MIB1: variants seen among roughly 807,000 people sequenced by gnomAD.
MIB1 encodes E3 ubiquitin-protein ligase MIB1.
In MIB1, 278 loss-of-function variants were observed where a neutral mutation model predicts 124.5. That is an observed-to-expected ratio of 2.23 (90% CI 2.02 to 2.47). The LOEUF is 2.47. MIB1 is among the 30% of genes most tolerant of loss of function. The pLI is 0.00. For synonymous variants in MIB1, 446 were observed against 429.4 expected, an observed-to-expected ratio of 1.04 and a Z score of -0.48; for missense variants, 957 against 1,254.4, an observed-to-expected ratio of 0.76 and a Z score of 3.58.
intron 1 of MIB1, among the ~76,000 whole-genome samples, chr18:21,745,759 T>C (rs2040904937): frequency 6.6e-6 from 1 of 152,034 alleles, no homozygotes; most frequent in Non-Finnish European, 1.5e-5. Context: ...CAGGCTGGAA[T>C]GCAGTGGTGT....
intron 6 of MIB1, among the ~76,000 whole-genome samples, chr18:21,780,773 A>T (rs529771640): frequency 8.5e-5 from 13 of 152,150 alleles, no homozygotes; most frequent in African/African-American, 2.9e-4. Flanking sequence ...CTTTCAATCT[A>T]TTTATGAACA....
chr18:21,822,476 C>T (rs1376932149), intron 12 of MIB1, among the ~76,000 whole-genome samples: 1 of 152,066 alleles, frequency 6.6e-6, no homozygotes, highest in African/African-American at 2.4e-5. Flanking sequence ...AAAAAAAATG[C>T]TTTTATTCTT....
intron 2 of MIB1, among the ~76,000 whole-genome samples, chr18:21,766,232 C>A (rs930826927): frequency 6.6e-6 from 1 of 152,116 alleles, no homozygotes; most frequent in African/African-American, 2.4e-5. Flanking sequence ...CAAAAAGATA[C>A]CAATTGTTTT....
rs1454397232 is a variant in MIB1 at position 21,844,150 on chromosome 18, T to C, written c.2108T>C (p.Leu703Ser). ...DIQDKDGDTP[L>S]HEALRHHTLS... ...CAGGATAAGGATGGGGATACTCCTT[T>C]GCATGAAGCTCTAAGGCATCACACT... is the stretch of plus-strand genomic sequence containing the variant. Residue 703 changes from leucine (L) to serine (S), a missense_variant, in exon 15 of 21, where the codon TTG becomes TCG. Physicochemically the swap from Leu to Ser is moderately radical, Grantham distance 145. Transcript: ENST00000261537. The C allele has an allele frequency of 6.2e-6, 10 of 1,614,124 alleles. No individual in the cohort carries two copies. The East Asian group carries it at 2.2e-4, about 36-fold the overall frequency.
At chr18:21,807,238 C>T (rs2041719446) in intron 10 of MIB1, among the ~76,000 whole-genome samples, 1 of 152,120 alleles carries the variant, frequency 6.6e-6, no homozygotes, top group Admixed American at 6.5e-5. Flanking sequence ...CAAGACCAGC[C>T]TGGGCAACGT....
At chr18:21,850,950 G>A (rs1340934495) in intron 17 of MIB1, among the ~76,000 whole-genome samples, 1 of 152,012 alleles carries the variant, frequency 6.6e-6, no homozygotes, top group African/African-American at 2.4e-5. Context: ...AACCTTTATT[G>A]AACATCTGTT....
At chr18:21,718,870 G>T (rs117796154) in intron 1 of MIB1, among the ~76,000 whole-genome samples, 631 of 152,244 alleles carry the variant, frequency 4.1e-3, no homozygotes, top group Non-Finnish European at 6.8e-3. Flanking sequence ...AGTCAACATA[G>T]TGAGACCCTC....
chr18:21,734,464 TTC>T (rs2040786243), intron 1 of MIB1, among the ~76,000 whole-genome samples: 1 of 127,400 alleles, frequency 7.8e-6, no homozygotes, highest in South Asian at 2.6e-4. Flanking sequence ...TTTCTTTTCT[TTC>T]TCTCTCTCTC....
chr18:21,711,010 A>G (rs976542536), intron 1 of MIB1, among the ~76,000 whole-genome samples: 1 of 151,910 alleles, frequency 6.6e-6, no homozygotes, highest in Non-Finnish European at 1.5e-5. Context: ...TATTTTTAGT[A>G]GAGACAGGGT....
At chr18:21,794,602 A>G (rs180927727) in intron 7 of MIB1, among the ~76,000 whole-genome samples, 4 of 152,302 alleles carry the variant, frequency 2.6e-5, no homozygotes, top group Admixed American at 2.6e-4. Context: ...TTGAAGGGGC[A>G]CATTGCATAC....
intron 7 of MIB1, 67 bp from the exon 8 acceptor site, chr18:21,798,017 A>C (rs1403653140): frequency 1.3e-6 from 2 of 1,489,962 alleles, no homozygotes; most frequent in East Asian, 4.6e-5. Flanking sequence ...AAGCATATAA[A>C]AACTAGTGAT....
intron 1 of MIB1, among the ~76,000 whole-genome samples, chr18:21,710,827 A>ATTTTTTTTTTTTTTTTTTTTTTT (rs34702356): frequency 8.5e-6 from 1 of 117,030 alleles, no homozygotes; most frequent in Non-Finnish European, 1.7e-5. Flanking sequence ...TAATTGACTG[A>ATTTTTTTTTTTTTTTTTTTTTTT]TTTTTTTTTT....
chr18:21,765,854 A>G lies in MIB1; in HGVS notation c.312A>G (p.Thr104=), dbSNP rs780810168. 9 of 1,614,178 alleles carry G rather than the reference A, an allele frequency of 5.6e-6. No homozygotes were observed. Among genetic ancestry groups the G allele is most frequent in the Non-Finnish European group, 7.6e-6 (9 of 1,180,004 alleles). ...TTCGATGGAAGTGTGCAGAGTGTAC[A>G]AATTATGATTTGTGCACAGTGTGTT... ...IGIRWKCAEC[T]NYDLCTVCYH... Residue 104 remains threonine, a synonymous_variant, in exon 2 of 21, where the codon ACA becomes ACG. Coordinates refer to ENST00000261537, the MANE Select transcript of MIB1 (RefSeq NM_020774.4).
chr18:21,738,959 A>G (rs529142075), upstream of MIB1, among the ~76,000 whole-genome samples: 1 of 151,746 alleles, frequency 6.6e-6, no homozygotes, highest in African/African-American at 2.4e-5. Context: ...AAGGAGGTAG[A>G]GACACGAAAA....
chr18:21,719,785 C>T lies in MIB1; in HGVS notation n.167+14662C>T, dbSNP rs1215057991. Reference sequence around the variant, plus strand: ...TTTTACTTTTTTCTAAAAACTCACTCCTATTTACACAAAAACAGACCCTTT... The same window carrying T: ...TTTTACTTTTTTCTAAAAACTCACTTCTATTTACACAAAAACAGACCCTTT... On this transcript the variant is annotated intron_variant and non_coding_transcript_variant, in intron 1 of 20. Coordinates refer to the MIB1 transcript ENST00000578646. Among the ~76,000 whole-genome samples, 6 of 151,884 alleles carry T rather than the reference C, an allele frequency of 4.0e-5. No homozygotes were observed. The South Asian group carries it at 1.0e-3, about 26-fold the overall frequency.
intron 7 of MIB1, among the ~76,000 whole-genome samples, chr18:21,795,720 A>G (rs2041570934): frequency 6.6e-6 from 1 of 152,168 alleles, no homozygotes; most frequent in Non-Finnish European, 1.5e-5. Context: ...AGAAAATTCC[A>G]AGTAATTTTT....
chr18:21,765,616 T>C (rs1203522439), intron 1 of MIB1, among the ~76,000 whole-genome samples, 156 bp from the exon 2 acceptor site: 4 of 152,238 alleles, frequency 2.6e-5, no homozygotes, highest in Non-Finnish European at 5.9e-5. Flanking sequence ...TTGAGATCCA[T>C]TATCTTGAAG....
At chr18:21,748,636 G>A (rs1284565840) in intron 1 of MIB1, among the ~76,000 whole-genome samples, 1 of 150,972 alleles carries the variant, frequency 6.6e-6, no homozygotes, top group African/African-American at 2.4e-5. Flanking sequence ...CTGCCGTGTT[G>A]CCCAGGTTGG....
chr18:21,825,881 A>C (rs576768325), intron 12 of MIB1: 2 of 381,174 alleles, frequency 5.2e-6, no homozygotes, highest in Admixed American at 3.9e-5. Context: ...TATCATACCA[A>C]TGCTTCAGTC....
Sources: allele counts gnomAD v4.1 joint callset (sites outside exome capture counted in the v4.1 genomes callset), GRCh38; gene constraint gnomAD v4.1.1; transcripts MANE v1.5; gene names NCBI Gene and HGNC (gene_info 2026-07-23, HGNC 2026-07-21).